The following ZNRF3 variants were observed in gnomAD, a reference collection of about 807,000 sequenced individuals.
ZNRF3 encodes E3 ubiquitin-protein ligase ZNRF3.
A neutral mutation model predicts 72.5 loss-of-function variants in ZNRF3; 23 were observed. The observed-to-expected ratio is 0.32, with a 90% CI of 0.23 to 0.45. ZNRF3 has a LOEUF of 0.45. Ranked by LOEUF, ZNRF3 falls within the 20% of genes least tolerant of loss-of-function variation. ZNRF3 has a pLI of 1.00. For synonymous variants in ZNRF3, 610 were observed against 545.3 expected, an observed-to-expected ratio of 1.12 and a Z score of -1.65; for missense variants, 1,169 against 1,272.1, an observed-to-expected ratio of 0.92 and a Z score of 1.23.
intron 1 of ZNRF3, among the ~76,000 whole-genome samples, chr22:28,943,365 GC>G (rs1241128129): frequency 6.6e-6 from 1 of 152,152 alleles, no homozygotes; most frequent in African/African-American, 2.4e-5. Flanking sequence ...ATGACCTCTT[GC>G]TGTTTGCCTG....
intron 2 of ZNRF3, among the ~76,000 whole-genome samples, chr22:28,993,541 A>G (rs1404636562): frequency 6.6e-6 from 1 of 152,202 alleles, no homozygotes; most frequent in African/African-American, 2.4e-5. Context: ...CAAAGCACAA[A>G]TACAGACTCT....
intron 1 of ZNRF3, among the ~76,000 whole-genome samples, chr22:28,976,703 C>G (rs1046310876): frequency 3.9e-5 from 6 of 152,088 alleles, no homozygotes; most frequent in African/African-American, 1.4e-4. Context: ...AGTTGCCTTG[C>G]AATTTGAAGT....
At chr22:28,987,917 G>A (rs2035885699) in intron 2 of ZNRF3, among the ~76,000 whole-genome samples, 1 of 152,170 alleles carries the variant, frequency 6.6e-6, no homozygotes, top group Non-Finnish European at 1.5e-5. Flanking sequence ...CCTCACACAA[G>A]AGTAAGCCCT....
intron 2 of ZNRF3, among the ~76,000 whole-genome samples, chr22:28,995,320 G>A (rs1488497685): frequency 6.6e-6 from 1 of 152,152 alleles, no homozygotes; most frequent in Non-Finnish European, 1.5e-5. Context: ...TGTAATCCCA[G>A]CTACTCAGGA....
At chr22:29,014,743 G>C (rs998637609) in intron 2 of ZNRF3, among the ~76,000 whole-genome samples, 1 of 152,260 alleles carries the variant, frequency 6.6e-6, no homozygotes, top group African/African-American at 2.4e-5. Context: ...CTCCTGGTCA[G>C]TAGAGGAGAC....
intron 2 of ZNRF3, among the ~76,000 whole-genome samples, chr22:28,993,488 C>T (rs1010912464): frequency 5.9e-5 from 9 of 152,138 alleles, no homozygotes; most frequent in Admixed American, 2.6e-4. Context: ...ATGGTCAGCC[C>T]ACTAACCCAC....
At chr22:29,046,608 T>C in intron 5 of ZNRF3, 108 bp from the exon 6 acceptor site, 2 of 1,237,664 alleles carry the variant, frequency 1.6e-6, no homozygotes, top group Non-Finnish European at 2.2e-6. Context: ...TGTTCCGGCA[T>C]GATAGAGAAT....
At chr22:28,915,514 C>G (rs1296217595) in intron 1 of ZNRF3, among the ~76,000 whole-genome samples, 2 of 152,138 alleles carry the variant, frequency 1.3e-5, no homozygotes, top group Non-Finnish European at 2.9e-5. Context: ...TGATGACCCT[C>G]CAGATTTCTG....
At chr22:28,963,464 G>T (rs1275213421) in intron 1 of ZNRF3, among the ~76,000 whole-genome samples, 7 of 152,150 alleles carry the variant, frequency 4.6e-5, no homozygotes, top group Admixed American at 4.6e-4. Flanking sequence ...CGCAGGAGAG[G>T]GGGGTAGGGA....
At chr22:28,988,755 T>G (rs1333529930) in intron 2 of ZNRF3, among the ~76,000 whole-genome samples, 4 of 152,238 alleles carry the variant, frequency 2.6e-5, no homozygotes. Flanking sequence ...GTTACGCTCC[T>G]AATACAACAT....
intron 1 of ZNRF3, among the ~76,000 whole-genome samples, chr22:28,947,077 A>G (rs914979163): frequency 1.3e-5 from 2 of 152,192 alleles, no homozygotes; most frequent in African/African-American, 4.8e-5. Context: ...GAGACTAGTG[A>G]GGGTAGAGTT....
chr22:28,918,488 G>A (rs1192484259), intron 1 of ZNRF3, among the ~76,000 whole-genome samples: 3 of 152,060 alleles, frequency 2.0e-5, no homozygotes, highest in South Asian at 4.1e-4. Flanking sequence ...GTGTGGGTGC[G>A]TGCGTGTGTG....
chr22:28,921,862 A>G (rs1293477759), intron 1 of ZNRF3, among the ~76,000 whole-genome samples: 2 of 152,186 alleles, frequency 1.3e-5, no homozygotes, highest in Non-Finnish European at 2.9e-5. Context: ...TAAAATGATT[A>G]ACTAGAGAGA....
intron 1 of ZNRF3, among the ~76,000 whole-genome samples, chr22:28,948,557 C>T (rs1171376666): frequency 2.0e-5 from 3 of 152,230 alleles, no homozygotes; most frequent in African/African-American, 7.2e-5. Flanking sequence ...CTTAGTAAGA[C>T]AGTTGGATTC....
chr22:28,977,968 C>T (rs1031880670), intron 1 of ZNRF3, among the ~76,000 whole-genome samples: 1 of 152,212 alleles, frequency 6.6e-6, no homozygotes, highest in African/African-American at 2.4e-5. Context: ...GATATTTAAC[C>T]TTGTCTGACA....
intron 2 of ZNRF3, 120 bp downstream of exon 2, chr22:28,987,321 G>C: frequency 4.2e-6 from 6 of 1,438,432 alleles, no homozygotes; most frequent in South Asian, 2.9e-5. Context: ...GCTCCTTCCC[G>C]GCTGAAGTTG....
intron 6 of ZNRF3, 151 bp downstream of exon 6, chr22:29,047,034 C>T: frequency 1.4e-6 from 1 of 739,384 alleles, no homozygotes; most frequent in Non-Finnish European, 2.0e-6. Flanking sequence ...TGACTTGATA[C>T]TTAGCTGGGT....
intron 2 of ZNRF3, among the ~76,000 whole-genome samples, chr22:29,006,213 CTTT>C (rs372438825): frequency 7.5e-5 from 8 of 106,508 alleles, no homozygotes; most frequent in East Asian, 2.9e-4. Context: ...TCATCCGTTT[CTTT>C]TTTTTTTTTT....
chr22:28,922,867 C>G lies in ZNRF3; in HGVS notation c.300+38801C>G, dbSNP rs189484721. Among the ~76,000 whole-genome samples, 24 of 152,206 alleles carry G rather than the reference C, an allele frequency of 1.6e-4. 1 individual carries two copies. The highest frequency in any genetic ancestry group is 6.8e-3 in the Middle Eastern group (2 of 294). ...TTAGCATTTTTTTCTTTTCTTACTC[C>G]TGAGTTAAACGTGTAGCAGAAGAGG... On this transcript the variant is annotated intron_variant, in intron 1 of 8. Transcript: ENST00000544604.
Sources: allele counts gnomAD v4.1 joint callset (sites outside exome capture counted in the v4.1 genomes callset), GRCh38; gene constraint gnomAD v4.1.1; transcripts MANE v1.5; gene names NCBI Gene and HGNC (gene_info 2026-07-23, HGNC 2026-07-21).